The following NAPG variants were observed in gnomAD, a reference collection of about 807,000 sequenced individuals.
NAPG encodes the protein gamma-soluble NSF attachment protein.
A neutral mutation model predicts 48.4 loss-of-function variants in NAPG; 25 were observed. The ratio of observed to expected loss-of-function variants is 0.52; its 90% CI spans 0.38 to 0.72. The LOEUF (loss-of-function observed/expected upper bound fraction) is 0.72. NAPG is among the 30% of genes least tolerant of loss of function. The pLI is 0.00. For synonymous variants in NAPG, 139 were observed against 127.2 expected, an observed-to-expected ratio of 1.09 and a Z score of -0.62; for missense variants, 359 against 372.5, an observed-to-expected ratio of 0.96 and a Z score of 0.30.
At chr18:10,526,693 T>G (rs2031820226) in intron 1 of NAPG, 1 of 154,676 alleles carries the variant, frequency 6.5e-6, no homozygotes, top group African/African-American at 2.4e-5. Context: ...TCATCTGGCA[T>G]TTTACTGTCC....
At chr18:10,532,869 T>G in intron 3 of NAPG, 74 bp downstream of exon 3, 4 of 1,200,480 alleles carry the variant, frequency 3.3e-6, no homozygotes, top group Non-Finnish European at 4.7e-6. Flanking sequence ...TTGCTGTAAA[T>G]TTACTTTACT....
At chr18:10,537,742 A>G (rs961816536) in intron 5 of NAPG, among the ~76,000 whole-genome samples, 3 of 152,246 alleles carry the variant, frequency 2.0e-5, no homozygotes, top group Admixed American at 6.5e-5. Flanking sequence ...TTTTATAACA[A>G]AAAAAGTATT....
intron 5 of NAPG, among the ~76,000 whole-genome samples, chr18:10,537,206 G>C (rs1412782050): frequency 6.6e-6 from 1 of 152,080 alleles, no homozygotes; most frequent in African/African-American, 2.4e-5. Flanking sequence ...TGATACTTCT[G>C]CCTCAACCTC....
chr18:10,532,840 T>G, intron 3 of NAPG, 45 bp downstream of exon 3: 1 of 1,453,412 alleles, frequency 6.9e-7, no homozygotes, highest in South Asian at 1.3e-5. Context: ...ATTAGATGAT[T>G]TTGACAAGCT....
Position 10,532,810 on chromosome 18 carries a change from T to G in NAPG, c.209+15T>G. The G allele has an allele frequency of 6.6e-7, 1 of 1,526,018 alleles. No homozygotes were observed. Among genetic ancestry groups the G allele is most frequent in the South Asian group, 1.3e-5 (1 of 77,554 alleles). 94.5% of individuals were successfully genotyped at this position (1,526,018 alleles called of 1,614,324 possible). On this transcript the variant is annotated intron_variant, in intron 3 of 11. Transcript: ENST00000322897. ...AATAATAGGGCGTATCTTTTTCAAC[T>G]TTTAAAAAGAAATTAAACAATTAGA...
At chr18:10,532,460 G>C (rs1445227296) in intron 2 of NAPG, among the ~76,000 whole-genome samples, 1 of 152,082 alleles carries the variant, frequency 6.6e-6, no homozygotes, top group African/African-American at 2.4e-5. Flanking sequence ...TTGAGTGGAA[G>C]AAACACTGAT....
intron 1 of NAPG, among the ~76,000 whole-genome samples, chr18:10,527,948 G>A (rs2031853704): frequency 6.6e-6 from 1 of 152,118 alleles, no homozygotes; most frequent in African/African-American, 2.4e-5. Flanking sequence ...CACTTTGGGA[G>A]GCTGAGGCGG....
intron 1 of NAPG, among the ~76,000 whole-genome samples, chr18:10,527,668 G>T (rs1184177666): frequency 6.6e-6 from 1 of 152,156 alleles, no homozygotes; most frequent in Non-Finnish European, 1.5e-5. Flanking sequence ...TGTTTTAGAC[G>T]GAGGGAAAAT....
chr18:10,549,627 ATGTCT>A (rs745811354), intron 11 of NAPG, among the ~76,000 whole-genome samples: 18 of 152,204 alleles, frequency 1.2e-4, no homozygotes, highest in Non-Finnish European at 1.9e-4. Flanking sequence ...TCCTCACATG[ATGTCT>A]TGCACATAAA....
chr18:10,540,153 T>C lies in NAPG; in HGVS notation c.435+99T>C, dbSNP rs527973210. The C allele has an allele frequency of 1.7e-5, 19 of 1,150,162 alleles. 1 individual carries two copies. In the South Asian group the frequency reaches 2.9e-4, roughly 17 times the overall value. 71.2% of individuals were successfully genotyped at this position (1,150,162 alleles called of 1,614,324 possible). On this transcript the variant is annotated intron_variant, in intron 7 of 11. Transcript: ENST00000322897. ...GTGCAGTGGCTACTTTTAAAACTTTTCCCTGCTCACAGTTGCACGCTATTT... is the reference window on the plus strand; with the variant it reads ...GTGCAGTGGCTACTTTTAAAACTTTCCCCTGCTCACAGTTGCACGCTATTT...
chr18:10,533,379 C>T (rs933888368), intron 3 of NAPG, 157 bp from the exon 4 acceptor site: 1 of 533,304 alleles, frequency 1.9e-6, no homozygotes, highest in Non-Finnish European at 3.2e-6. Context: ...ACTATATTGA[C>T]AGGTATTGAA....
chr18:10,548,201 G>A lies in NAPG; in HGVS notation c.586-98G>A. 1.2e-6 allele frequency: 1 copy of A among 822,686 alleles called. No homozygotes were observed. Among genetic ancestry groups the A allele is most frequent in the Non-Finnish European group, 2.0e-6 (1 of 488,500 alleles). 51.0% of individuals were successfully genotyped at this position (822,686 alleles called of 1,614,324 possible). A position where few individuals can be genotyped will look rare whatever the true frequency, so the allele number is the denominator to read the frequency against. ...ATAAATCTCTGTTTATACAAACAAA[G>A]ACTCTGAAAGTTAAACTCCAGGTGT... On this transcript the variant is annotated intron_variant, in intron 9 of 11. Transcript: ENST00000322897. The surrounding 1 kb of genome is among the most constrained non-coding windows in gnomAD (Gnocchi z 4.4).
rs989357740 is a variant in NAPG at position 10,542,822 on chromosome 18, C to T, written c.506+2423C>T. On this transcript the variant is annotated intron_variant, in intron 8 of 11. Transcript: ENST00000322897. The surrounding 1 kb of genome is among the most constrained non-coding windows in gnomAD (Gnocchi z 4.5). ...GGAGAGTCAAAATTCAGAAGTGATTCGTAGTTTCATTTAGATTACATCTGG... is the reference window on the plus strand; with the variant it reads ...GGAGAGTCAAAATTCAGAAGTGATTTGTAGTTTCATTTAGATTACATCTGG... Among the ~76,000 whole-genome samples, 6 of 152,068 alleles carry T rather than the reference C, an allele frequency of 3.9e-5. No individual in the cohort carries two copies. Among genetic ancestry groups the T allele is most frequent in the Non-Finnish European group, 7.4e-5 (5 of 68,016 alleles).
rs1198850682 is a variant in NAPG at position 10,546,368 on chromosome 18, T to C, written c.549T>C (p.Ile183=). ...AALSIQKEKN[I]YKEIENYPTC... ...TCTCTATTCAGAAAGAAAAAAATAT[T>C]TATAAGGAAATTGAGAATTATCCAA... The change falls in exon 9 of 12, where the codon ATT becomes ATC. Residue 183 remains isoleucine, a synonymous_variant. Coordinates refer to ENST00000322897, the MANE Select transcript of NAPG (RefSeq NM_003826.3). This position sits in a 1 kb window ranked among gnomAD's most constrained non-coding sequence, Gnocchi z 4.0. 1 of 1,577,156 alleles carries C rather than the reference T, an allele frequency of 6.3e-7. No individual in the cohort carries two copies. The highest frequency in any genetic ancestry group is 2.3e-5 in the East Asian group (1 of 44,062).
chr18:10,534,345 T>G lies in NAPG; in HGVS notation c.228-121T>G, dbSNP rs1029396039. On this transcript the variant is annotated intron_variant, in intron 4 of 11. Transcript: ENST00000322897. This position sits in a 1 kb window ranked among gnomAD's most constrained non-coding sequence, Gnocchi z 5.0. ...GTGGTAATATAAGCCTGAAGTGATA[T>G]GTTGTGCATGAGCCCATTGTAATTG... The G allele has an allele frequency of 1.5e-6, 1 of 681,488 alleles. No individual in the cohort carries two copies. The highest frequency in any genetic ancestry group is 2.6e-6 in the Non-Finnish European group (1 of 380,256). The allele number at this position is 681,488 out of a possible 1,614,324, so 42.2% of individuals were successfully genotyped here.
Position 10,532,985 on chromosome 18 carries a change from T to C in NAPG, c.209+190T>C, listed in dbSNP as rs1229743438. On this transcript the variant is annotated intron_variant, in intron 3 of 11. Coordinates refer to ENST00000322897, the MANE Select transcript of NAPG (RefSeq NM_003826.3). ...TGAAGTTTGATTATAAGGTCCACAC[T>C]GGTTCGCAGAGCTACAATACTTACT... The C allele has an allele frequency of 7.6e-6, 4 of 524,336 alleles. No homozygotes were observed. The African/African-American group carries it at 7.7e-5, about 10-fold the overall frequency. 32.5% of individuals were successfully genotyped at this position (524,336 alleles called of 1,614,324 possible). A position where few individuals can be genotyped will look rare whatever the true frequency, so the allele number is the denominator to read the frequency against.
chr18:10,536,955 T>C (rs1405019293), intron 5 of NAPG, among the ~76,000 whole-genome samples: 1 of 145,544 alleles, frequency 6.9e-6, no homozygotes, highest in Non-Finnish European at 1.5e-5. Context: ...ACTAATAGCC[T>C]GTTTTTGTTT....
At chr18:10,526,250 G>T in intron 1 of NAPG, 92 bp downstream of exon 1, 1 of 686,656 alleles carries the variant, frequency 1.5e-6, no homozygotes, top group Non-Finnish European at 2.5e-6. Context: ...GGGAGGGAGG[G>T]CTCAGGGCTG....
chr18:10,538,092 T>C lies in NAPG; in HGVS notation c.259-1670T>C, dbSNP rs74720853. ...CTTTTAAACGGTGTTTTTTTTTAAG[T>C]TTATTTTTAAAATGTTTGATTTGGA... is the stretch of plus-strand genomic sequence containing the variant. On this transcript the variant is annotated intron_variant, in intron 5 of 11. Coordinates refer to ENST00000322897, the MANE Select transcript of NAPG (RefSeq NM_003826.3). Among the ~76,000 whole-genome samples, 978 of 152,046 alleles carry C rather than the reference T, an allele frequency of 6.4e-3. 11 individuals are homozygous for C. The highest frequency in any genetic ancestry group is 0.022 in the African/African-American group (923 of 41,444).
Sources: gnomAD v4.1 joint callset for allele counts (sites outside exome capture counted in the v4.1 genomes callset) on GRCh38, gnomAD v4.1.1 for gene constraint, Gnocchi (gnomAD v3.1) non-coding constraint, MANE v1.5 for transcripts, NCBI Gene and HGNC (gene_info 2026-07-23, HGNC 2026-07-21) for gene names.